Variants in VPS13B observed in about 807,000 individuals in gnomAD.
VPS13B encodes the protein intermembrane lipid transfer protein VPS13B.
In VPS13B, 285 loss-of-function variants were observed where a neutral mutation model predicts 426.4. The observed-to-expected ratio is 0.67, with a 90% CI of 0.61 to 0.74. The LOEUF is 0.74. Among genes scored for constraint, VPS13B ranks in the 30% least tolerant of loss-of-function variants. The pLI, the probability that VPS13B is intolerant of heterozygous loss-of-function variation, is 0.00. For synonymous variants in VPS13B, 1,676 were observed against 1,676.4 expected, an observed-to-expected ratio of 1.00 and a Z score of 0.01; for missense variants, 4,537 against 4,782.6, an observed-to-expected ratio of 0.95 and a Z score of 1.51.
Position 99,825,160 on chromosome 8 carries a change from T to C in VPS13B, c.9330+1182T>C, listed in dbSNP as rs374118541. 1.8e-4 allele frequency among the ~76,000 whole-genome samples: 28 copies of C among 152,086 alleles called. No individual in the cohort carries two copies. In the East Asian group the frequency reaches 4.8e-3, roughly 26 times the overall value. On this transcript the variant is annotated intron_variant, in intron 51 of 61. Transcript: ENST00000357162. Reference sequence around the variant, plus strand: ...TCCTTGAGGAATTGCCACACTGTGTTCCAATGGTTGGTTTAATTTACACTC... The same window carrying C: ...TCCTTGAGGAATTGCCACACTGTGTCCCAATGGTTGGTTTAATTTACACTC...
chr8:99,334,087 A>G (rs1024111309), intron 19 of VPS13B, among the ~76,000 whole-genome samples: 5 of 151,938 alleles, frequency 3.3e-5, no homozygotes, highest in African/African-American at 1.2e-4. Flanking sequence ...CATATTTAGA[A>G]GTGGAATTGT....
intron 19 of VPS13B, among the ~76,000 whole-genome samples, chr8:99,372,381 C>T (rs1421137673): frequency 6.6e-6 from 1 of 152,070 alleles, no homozygotes; most frequent in African/African-American, 2.4e-5. Context: ...ATGCAGCCTA[C>T]AGAATGGGAG....
chr8:99,822,475 G>A (rs1197493064), intron 50 of VPS13B, among the ~76,000 whole-genome samples: 1 of 152,168 alleles, frequency 6.6e-6, no homozygotes, highest in Admixed American at 6.6e-5. Context: ...CTGTAAGCAT[G>A]AATCACCCAA....
chr8:99,514,524 A>T (rs1244897936), intron 29 of VPS13B, among the ~76,000 whole-genome samples: 1 of 152,170 alleles, frequency 6.6e-6, no homozygotes, highest in Non-Finnish European at 1.5e-5. Context: ...TGTAAGTGGA[A>T]TCATACAATG....
chr8:99,296,874 C>G (rs1352999962), intron 19 of VPS13B, among the ~76,000 whole-genome samples: 1 of 152,090 alleles, frequency 6.6e-6, no homozygotes, highest in Non-Finnish European at 1.5e-5. Flanking sequence ...ATCTTGGACT[C>G]CCTAGGTTCC....
At chr8:99,849,898 ATG>A (rs759273668) in intron 55 of VPS13B, among the ~76,000 whole-genome samples, 24 of 152,214 alleles carry the variant, frequency 1.6e-4, no homozygotes, top group South Asian at 4.2e-4. Flanking sequence ...GATCCTAGTT[ATG>A]TGTTATCTGT....
intron 19 of VPS13B, among the ~76,000 whole-genome samples, chr8:99,371,440 T>C (rs1276511341): frequency 6.6e-6 from 1 of 152,114 alleles, no homozygotes; most frequent in African/African-American, 2.4e-5. Context: ...GTTCCAAGGG[T>C]TTATATATTT....
intron 17 of VPS13B, among the ~76,000 whole-genome samples, chr8:99,273,560 G>A (rs1414260916): frequency 6.6e-6 from 1 of 152,044 alleles, no homozygotes; most frequent in Non-Finnish European, 1.5e-5. Flanking sequence ...TGAGTTGGGT[G>A]GATCACCTGA....
At chr8:99,507,728 T>G (rs752988309) in intron 28 of VPS13B, 11 of 1,613,642 alleles carry the variant, frequency 6.8e-6, no homozygotes, top group South Asian at 3.3e-5. Context: ...TTTTATTGCT[T>G]TTTGTCTTTT....
chr8:99,197,321 A>G (rs1437743222), intron 17 of VPS13B, among the ~76,000 whole-genome samples: 1 of 152,188 alleles, frequency 6.6e-6, no homozygotes, highest in African/African-American at 2.4e-5. Context: ...GTATGAGGAT[A>G]ATGCTAGCCT....
chr8:99,641,723 T>TCTCTTTGACAACATGTTTATATAACATTG, intron 33 of VPS13B, 88 bp from the exon 34 acceptor site: 4 of 1,323,170 alleles, frequency 3.0e-6, no homozygotes, highest in Non-Finnish European at 4.1e-6. Context: ...TTTAAAATTT[T>TCTCTTTGACAACATGTTTATATAACATTG]CTCTTTGACA....
chr8:99,121,377 G>A lies in VPS13B; in HGVS notation c.1138G>A (p.Ala380Thr). The change falls in exon 8 of 62, where the codon GCA becomes ACA. Residue 380 changes from alanine to threonine, a missense_variant. Physicochemically the swap from Ala to Thr is moderately conservative, Grantham distance 58. Coordinates refer to ENST00000357162, the MANE Select transcript of VPS13B (RefSeq NM_152564.5). ...TGCATCAACCATGCATCAACAAAAAGCACAGACTTTGAAGGATCCTATTGT... is the reference window on the plus strand; with the variant it reads ...TGCATCAACCATGCATCAACAAAAAACACAGACTTTGAAGGATCCTATTGT... The part of the protein sequence containing the change: ...DPASTMHQQK[A>T]QTLKDPIVSI... The A allele has an allele frequency of 6.2e-7, 1 of 1,614,174 alleles. No individual in the cohort carries two copies. The highest frequency in any genetic ancestry group is 2.2e-5 in the East Asian group (1 of 44,890).
intron 35 of VPS13B, among the ~76,000 whole-genome samples, chr8:99,665,401 T>C (rs567354027): frequency 2.0e-4 from 30 of 152,326 alleles, no homozygotes; most frequent in African/African-American, 7.2e-4. Context: ...CCCATGCCTA[T>C]GTCCTGAATG....
At chr8:99,459,185 G>A (rs908303445) in intron 23 of VPS13B, among the ~76,000 whole-genome samples, 1 of 152,144 alleles carries the variant, frequency 6.6e-6, no homozygotes, top group African/African-American at 2.4e-5. Flanking sequence ...ACTTGAACGT[G>A]TATTCTGCAA....
chr8:99,550,230 A>T (rs1229423787), intron 30 of VPS13B, among the ~76,000 whole-genome samples: 1 of 152,220 alleles, frequency 6.6e-6, no homozygotes, highest in East Asian at 1.9e-4. Context: ...GCTTTATACC[A>T]CTTACTACTT....
At chr8:99,788,786 A>G (rs1169596989) in intron 43 of VPS13B, among the ~76,000 whole-genome samples, 1 of 152,202 alleles carries the variant, frequency 6.6e-6, no homozygotes, top group East Asian at 1.9e-4. Context: ...AGGCTATCCA[A>G]AAATAGGCTA....
At chr8:99,358,445 T>C (rs73702008) in intron 19 of VPS13B, among the ~76,000 whole-genome samples, 26 of 152,298 alleles carry the variant, frequency 1.7e-4, no homozygotes, top group African/African-American at 6.0e-4. Flanking sequence ...TGATTTCATC[T>C]GACAGTAGTG....
At chr8:99,365,965 T>A (rs1812855981) in intron 19 of VPS13B, among the ~76,000 whole-genome samples, 1 of 151,894 alleles carries the variant, frequency 6.6e-6, no homozygotes, top group Non-Finnish European at 1.5e-5. Context: ...TCTCAGGTTT[T>A]TTGTTGTTTT....
intron 19 of VPS13B, among the ~76,000 whole-genome samples, chr8:99,286,567 C>T (rs1358645979): frequency 1.3e-5 from 2 of 152,110 alleles, no homozygotes; most frequent in Non-Finnish European, 1.5e-5. Context: ...TGCGTACCTT[C>T]AGTCAATAAT....
Sources: allele counts gnomAD v4.1 joint callset (sites outside exome capture counted in the v4.1 genomes callset), GRCh38; gene constraint gnomAD v4.1.1; transcripts MANE v1.5; gene names NCBI Gene and HGNC (gene_info 2026-07-23, HGNC 2026-07-21).